Variants in UNC13C observed in about 807,000 individuals in gnomAD.
UNC13C encodes protein unc-13 homolog C.
UNC13C carries 174 observed loss-of-function variants against 245.4 expected under a neutral mutation model. The observed-to-expected ratio is 0.71, with a 90% CI of 0.63 to 0.80. UNC13C has a LOEUF of 0.80. UNC13C is among the 30% of genes least tolerant of loss of function. UNC13C has a pLI of 0.00. For missense variants in UNC13C, 2,829 were observed against 2,602.9 expected, an observed-to-expected ratio of 1.09 and a Z score of -1.89; for synonymous variants, 992 against 895.1, an observed-to-expected ratio of 1.11 and a Z score of -1.93.
intron 19 of UNC13C, among the ~76,000 whole-genome samples, chr15:54,437,352 AT>A (rs1347978776): frequency 6.6e-6 from 1 of 152,006 alleles, no homozygotes; most frequent in Non-Finnish European, 1.5e-5. Flanking sequence ...CATCTATTAT[AT>A]AAGCTTCAAA....
chr15:54,615,684 T>C (rs2141297796), intron 30 of UNC13C, among the ~76,000 whole-genome samples: 1 of 152,188 alleles, frequency 6.6e-6, no homozygotes, highest in Middle Eastern at 3.4e-3. Flanking sequence ...CAGGCATTAG[T>C]TGGGGTTGAA....
At chr15:54,385,355 ACTT>A (rs918248797) in intron 17 of UNC13C, among the ~76,000 whole-genome samples, 1 of 151,802 alleles carries the variant, frequency 6.6e-6, no homozygotes, top group Non-Finnish European at 1.5e-5. Flanking sequence ...ATAGAATACT[ACTT>A]GACCATAAAA....
Position 54,018,689 on chromosome 15 carries a change from A to G in UNC13C, c.2983+2803A>G, listed in dbSNP as rs1256386154. On this transcript the variant is annotated intron_variant, in intron 2 of 32. Transcript: ENST00000260323. ...CACCTTCAGCCTTGTACCACCTATC[A>G]ACTGGAATTAACTATTTATTGTCTC... is the stretch of plus-strand genomic sequence containing the variant. Among the ~76,000 whole-genome samples the G allele has an allele frequency of 2.0e-5, 3 of 152,120 alleles. No individual in the cohort carries two copies. The East Asian group carries it at 5.8e-4, about 29-fold the overall frequency.
Position 54,616,469 on chromosome 15 carries a change from G to A in UNC13C, c.6107-5858G>A, listed in dbSNP as rs556553249. Among the ~76,000 whole-genome samples the A allele has an allele frequency of 5.3e-5, 8 of 152,112 alleles. 1 individual carries two copies. The highest frequency in any genetic ancestry group is 1.9e-4 in the African/African-American group (8 of 41,524). ...AAGTATAGCAATATAATTATGTACAGTTAGAAAAGACTCAAGTTAAAAATT... is the reference window on the plus strand; with the variant it reads ...AAGTATAGCAATATAATTATGTACAATTAGAAAAGACTCAAGTTAAAAATT... On this transcript the variant is annotated intron_variant, in intron 30 of 32. Coordinates refer to ENST00000260323, the MANE Select transcript of UNC13C (RefSeq NM_001080534.3).
rs59221050 is a variant in UNC13C, at chr15:54,486,250, A to AACACACACACACACACACAC, written c.4934-8338_4934-8319dup. ...CGTGGTGAAAACCCAGATCTATTAAAACACACACACACACACACACACACA... is the reference window on the plus strand; with the variant it reads ...CGTGGTGAAAACCCAGATCTATTAAAACACACACACACACACACACACACACACACACACACACACACACA... On this transcript the variant is annotated intron_variant, in intron 19 of 32. Transcript: ENST00000260323. 2.4e-3 allele frequency among the ~76,000 whole-genome samples: 311 copies of AACACACACACACACACACAC among 132,042 alleles called. 2 individuals carry two copies. Among genetic ancestry groups the AACACACACACACACACACAC allele is most frequent in the Non-Finnish European group, 3.9e-3 (246 of 63,436 alleles). The allele number at this position is 132,042 out of a possible 152,430, so 86.6% of individuals were successfully genotyped here.
At chr15:54,473,449 T>C (rs1367923818) in intron 19 of UNC13C, among the ~76,000 whole-genome samples, 1 of 151,904 alleles carries the variant, frequency 6.6e-6, no homozygotes, top group Non-Finnish European at 1.5e-5. Flanking sequence ...ACTACAACTT[T>C]CTTATTCTTT....
In UNC13C at chr15:54,501,129, C is replaced by A. The variant is rs148566351; in HGVS notation, c.5301+151C>A. ...ATTCAGTTGTTTCCAGGATTCCCAT[C>A]TGATTTCCTACACTTCCTGTTTCTT... On this transcript the variant is annotated intron_variant, in intron 22 of 32. Transcript: ENST00000260323. Among the ~76,000 whole-genome samples, 276 of 152,226 alleles carry A rather than the reference C, an allele frequency of 1.8e-3. 7 individuals are homozygous for A. The highest frequency in any genetic ancestry group is 0.017 in the Admixed American group (267 of 15,262).
chr15:54,086,893 C>A (rs1377908971), intron 2 of UNC13C, among the ~76,000 whole-genome samples: 1 of 151,794 alleles, frequency 6.6e-6, no homozygotes, highest in African/African-American at 2.4e-5. Flanking sequence ...CTGCCACTGA[C>A]CCAGCTAATT....
chr15:54,255,535 A>G (rs1221032696), intron 8 of UNC13C, among the ~76,000 whole-genome samples: 2 of 151,948 alleles, frequency 1.3e-5, no homozygotes, highest in Non-Finnish European at 2.9e-5. Flanking sequence ...GTCTTTTTCT[A>G]CCAATGTGTT....
chr15:54,171,635 A>G (rs1476888661), intron 4 of UNC13C, among the ~76,000 whole-genome samples: 1 of 152,106 alleles, frequency 6.6e-6, no homozygotes, highest in Non-Finnish European at 1.5e-5. Flanking sequence ...AAAAAAGGGA[A>G]TCCTCGTATA....
intron 23 of UNC13C, among the ~76,000 whole-genome samples, chr15:54,510,043 A>T (rs992715917): frequency 2.6e-5 from 4 of 152,156 alleles, no homozygotes; most frequent in African/African-American, 9.6e-5. Flanking sequence ...AAGAGTTGGC[A>T]GTTGACCTTT....
chr15:54,478,106 T>A (rs1314554700), intron 19 of UNC13C, among the ~76,000 whole-genome samples: 1 of 151,838 alleles, frequency 6.6e-6, no homozygotes, highest in South Asian at 2.1e-4. Flanking sequence ...TAGAGGTGTT[T>A]GTAGTATTCT....
the UNC13C span, among the ~76,000 whole-genome samples, chr15:53,851,363 G>A: frequency 6.6e-6 from 1 of 152,114 alleles, no homozygotes; most frequent in Non-Finnish European, 1.5e-5. Flanking sequence ...GCCCCTTCAG[G>A]TTAAAAGTAA....
At chr15:54,019,728 C>T (rs1035142520) in intron 2 of UNC13C, among the ~76,000 whole-genome samples, 4 of 152,154 alleles carry the variant, frequency 2.6e-5, no homozygotes, top group Non-Finnish European at 5.9e-5. Flanking sequence ...AATATGTTGA[C>T]TTCCAAGTAA....
At chr15:54,089,281 G>A (rs1310314080) in intron 2 of UNC13C, among the ~76,000 whole-genome samples, 1 of 152,164 alleles carries the variant, frequency 6.6e-6, no homozygotes, top group Non-Finnish European at 1.5e-5. Context: ...AACAAAGAAA[G>A]CTCTCTGTAG....
chr15:54,408,263 C>T (rs1270604469), intron 18 of UNC13C, among the ~76,000 whole-genome samples: 2 of 133,650 alleles, frequency 1.5e-5, no homozygotes, highest in Admixed American at 1.6e-4. Flanking sequence ...GTTTCTGATT[C>T]TGTCTTTGAT....
At chr15:54,552,170 A>G (rs1896765441) in intron 28 of UNC13C, among the ~76,000 whole-genome samples, 1 of 146,266 alleles carries the variant, frequency 6.8e-6, no homozygotes, top group Admixed American at 7.3e-5. Flanking sequence ...TTAAACATGT[A>G]TTTATTCAAC....
chr15:54,157,863 T>A (rs1483824473), intron 4 of UNC13C, among the ~76,000 whole-genome samples: 1 of 152,140 alleles, frequency 6.6e-6, no homozygotes, highest in Non-Finnish European at 1.5e-5. Flanking sequence ...GATTCCCTAT[T>A]TAATAAATGG....
chr15:54,203,009 A>AT (rs1379721016), intron 4 of UNC13C, among the ~76,000 whole-genome samples: 3 of 151,962 alleles, frequency 2.0e-5, no homozygotes, highest in African/African-American at 7.2e-5. Flanking sequence ...AAGGACATAA[A>AT]TATACAATTC....
Sources: allele counts gnomAD v4.1 joint callset (sites outside exome capture counted in the v4.1 genomes callset), GRCh38; gene constraint gnomAD v4.1.1; transcripts MANE v1.5; gene names NCBI Gene and HGNC (gene_info 2026-07-23, HGNC 2026-07-21).